Variants in TMEM52B observed in about 807,000 individuals in gnomAD.
TMEM52B encodes chromosome 12 open reading frame 59.
A neutral mutation model predicts 16.1 loss-of-function variants in TMEM52B; 11 were observed. The ratio of observed to expected loss-of-function variants is 0.68; its 90% CI spans 0.43 to 1.13. The LOEUF is 1.13. Among genes scored for constraint, TMEM52B ranks in the 50% most tolerant of loss-of-function variants. The pLI, the probability that TMEM52B is intolerant of heterozygous loss-of-function variation, is 0.00. For missense variants in TMEM52B, 243 were observed against 230.4 expected, an observed-to-expected ratio of 1.05 and a Z score of -0.35; for synonymous variants, 101 against 93.8, an observed-to-expected ratio of 1.08 and a Z score of -0.45.
Position 10,190,115 on chromosome 12 carries a change from C to G in TMEM52B, c.527C>G (p.Thr176Ser), listed in dbSNP as rs773251944. 6.2e-7 allele frequency: 1 copy of G among 1,614,146 alleles called. No individual in the cohort carries two copies. Among genetic ancestry groups the G allele is most frequent in the Non-Finnish European group, 8.5e-7 (1 of 1,180,040 alleles). The change falls in exon 5 of 5, where the codon ACT becomes AGT. Residue 176 changes from threonine to serine, a missense_variant. Coordinates refer to ENST00000543484, the MANE Select transcript of TMEM52B (RefSeq NM_001384896.1). Reference sequence around the variant, plus strand: ...CTGCCTCCAACAGAGAAGGAGTCGACTCGAATAGTTGACTCTTGGAACTGA... The same window carrying G: ...CTGCCTCCAACAGAGAAGGAGTCGAGTCGAATAGTTGACTCTTGGAACTGA... ...KQLPPTEKES[T>S]RIVDSWN
chr12:10,189,972 G>GTGGACA lies in TMEM52B; in HGVS notation c.384_385insTGGACA (p.Leu128_Pro129insTrpThr). ...ACTCCCACAGCTCCCTGGGCCAGCTGCCCTCCTCTTTGGACACCCTCCCAG... is the reference window on the plus strand; with the variant it reads ...ACTCCCACAGCTCCCTGGGCCAGCTGTGGACACCCTCCTCTTTGGACACCCTCCCAG... On this transcript the variant is annotated inframe_insertion, in exon 5 of 5. Transcript: ENST00000543484. 3.1e-6 allele frequency: 5 copies of GTGGACA among 1,614,162 alleles called. No individual in the cohort carries two copies. In the South Asian group the frequency reaches 5.5e-5, roughly 18 times the overall value.
intron 1 of TMEM52B, chr12:10,172,350 T>C: frequency 3.1e-6 from 1 of 321,598 alleles, no homozygotes; most frequent in East Asian, 5.7e-5. Context: ...GAAAACTATT[T>C]TTCATGAGCA....
At chr12:10,171,917 T>C in intron 1 of TMEM52B, 1 of 1,008,810 alleles carries the variant, frequency 9.9e-7, no homozygotes, top group Non-Finnish European at 1.5e-6. Flanking sequence ...GGTGTTTAGC[T>C]TTCTAATCCC....
At chr12:10,183,488 A>G (rs1398579479) in intron 2 of TMEM52B, among the ~76,000 whole-genome samples, 3 of 152,224 alleles carry the variant, frequency 2.0e-5, no homozygotes, top group Non-Finnish European at 4.4e-5. Flanking sequence ...TATATTTTCT[A>G]TAAATGTGTG....
At chr12:10,181,148 G>A (rs188937693) in intron 1 of TMEM52B, among the ~76,000 whole-genome samples, 1 of 152,186 alleles carries the variant, frequency 6.6e-6, no homozygotes, top group African/African-American at 2.4e-5. Flanking sequence ...AAAAAATCAG[G>A]TAGAAGAAAG....
intron 1 of TMEM52B, among the ~76,000 whole-genome samples, chr12:10,171,610 G>C (rs1397729113): frequency 6.6e-6 from 1 of 152,146 alleles, no homozygotes; most frequent in Non-Finnish European, 1.5e-5. Flanking sequence ...GGATAAATGG[G>C]AGTTTGTGGT....
chr12:10,189,834 C>G, intron 4 of TMEM52B, 62 bp from the exon 5 acceptor site: 1 of 1,584,076 alleles, frequency 6.3e-7, no homozygotes, highest in Non-Finnish European at 8.6e-7. Flanking sequence ...AAGTAAGTCT[C>G]TGCTGTCTGA....
chr12:10,177,812 TA>T (rs1257568366), upstream of TMEM52B, among the ~76,000 whole-genome samples: 2 of 67,586 alleles, frequency 3.0e-5, no homozygotes, highest in East Asian at 2.3e-4. Flanking sequence ...ATAATAATAA[TA>T]ATTTTTTTAT....
upstream of TMEM52B, among the ~76,000 whole-genome samples, chr12:10,174,477 T>C (rs1167687093): frequency 2.0e-5 from 3 of 152,070 alleles, no homozygotes; most frequent in Non-Finnish European, 2.9e-5. Flanking sequence ...GTGGGCCTCA[T>C]CCAAAAGTTG....
chr12:10,178,266 C>T (rs1426876954), upstream of TMEM52B, among the ~76,000 whole-genome samples: 4 of 151,630 alleles, frequency 2.6e-5, no homozygotes, highest in African/African-American at 9.7e-5. Flanking sequence ...CCTGTAATCC[C>T]AGCACTTTGG....
upstream of TMEM52B, among the ~76,000 whole-genome samples, chr12:10,175,971 A>G (rs1948762545): frequency 6.6e-6 from 1 of 152,262 alleles, no homozygotes; most frequent in East Asian, 1.9e-4. Flanking sequence ...TCCCTGAAGC[A>G]TAGGTGTAAA....
At chr12:10,187,328 C>T (rs1254840801) in intron 4 of TMEM52B, among the ~76,000 whole-genome samples, 3 of 152,056 alleles carry the variant, frequency 2.0e-5, no homozygotes, top group Admixed American at 1.3e-4. Context: ...TCTCAAACTC[C>T]TGACCTTGTG....
intron 1 of TMEM52B, among the ~76,000 whole-genome samples, chr12:10,173,045 T>C (rs1478976615): frequency 6.6e-6 from 1 of 152,204 alleles, no homozygotes; most frequent in African/African-American, 2.4e-5. Context: ...ATAATAATTA[T>C]TAGTATAGTA....
intron 3 of TMEM52B, among the ~76,000 whole-genome samples, chr12:10,185,870 C>T (rs577106826): frequency 6.8e-4 from 103 of 152,162 alleles, no homozygotes; most frequent in African/African-American, 1.5e-3. Flanking sequence ...GGAGAAACTC[C>T]GTCTCTACTA....
At chr12:10,176,755 T>A (rs1479287397), upstream of TMEM52B, among the ~76,000 whole-genome samples, 2 of 152,226 alleles carry the variant, frequency 1.3e-5, no homozygotes, top group African/African-American at 4.8e-5. Context: ...TTAATCTGTA[T>A]AAGGCTATCA....
At chr12:10,183,660 A>T (rs1361670273) in intron 2 of TMEM52B, among the ~76,000 whole-genome samples, 8 of 150,550 alleles carry the variant, frequency 5.3e-5, no homozygotes, top group African/African-American at 2.0e-4. Context: ...TACAATCCCT[A>T]TTTTTTTTTC....
At chr12:10,174,146 C>T (rs186580092), upstream of TMEM52B, among the ~76,000 whole-genome samples, 6 of 152,250 alleles carry the variant, frequency 3.9e-5, no homozygotes, top group African/African-American at 9.6e-5. Flanking sequence ...CTGCAACCTC[C>T]GCCTCCTGGG....
At chr12:10,180,352 T>C (rs1288025373) in intron 1 of TMEM52B, among the ~76,000 whole-genome samples, 3 of 152,054 alleles carry the variant, frequency 2.0e-5, no homozygotes. Flanking sequence ...TTCTTTTTGC[T>C]TCCTCTTCAC....
At chr12:10,174,217 C>A (rs1948749753), upstream of TMEM52B, among the ~76,000 whole-genome samples, 1 of 152,170 alleles carries the variant, frequency 6.6e-6, no homozygotes, top group South Asian at 2.1e-4. Flanking sequence ...CCCGCCACCC[C>A]TCCCGGCTAA....
Sources: gnomAD v4.1 joint callset for allele counts (sites outside exome capture counted in the v4.1 genomes callset) on GRCh38, gnomAD v4.1.1 for gene constraint, MANE v1.5 for transcripts, NCBI Gene and HGNC (gene_info 2026-07-23, HGNC 2026-07-21) for gene names.